The following TARBP1 variants were observed in gnomAD, a reference collection of about 807,000 sequenced individuals.
The protein encoded by TARBP1 is tRNA guanosine 2 -O-methyltransferase TARBP1.
In TARBP1, 144 loss-of-function variants were observed where a neutral mutation model predicts 178.6. The observed-to-expected ratio is 0.81, with a 90% CI of 0.70 to 0.93. The LOEUF (loss-of-function observed/expected upper bound fraction) is 0.93, where lower values mean the gene tolerates loss of function less well. TARBP1 is among the 40% of genes least tolerant of loss of function. The probability of loss-of-function intolerance (pLI) is 0.00; values close to 1 mark genes in which losing one functional copy is unlikely to be tolerated. For missense variants in TARBP1, 2,067 were observed against 2,011.7 expected (o/e 1.03, Z -0.53); for synonymous variants, 787 against 781.0 (o/e 1.01, Z -0.13).
chr1:234,392,306 A>T (rs1214058585), intron 29 of TARBP1, 110 bp downstream of exon 29: 4 of 1,393,338 alleles, frequency 2.9e-6, no homozygotes, highest in African/African-American at 1.5e-5. Flanking sequence ...ACTACACTCC[A>T]GCCTGGGCTA....
Position 234,393,449 on chromosome 1 carries a change from C to G in TARBP1, c.4473G>C (p.Val1491=). Residue 1491 remains valine (V), a synonymous_variant, in exon 28 of 30, where the codon GTG becomes GTC. Transcript: ENST00000040877. ...TACACTGAAGGCTGCCAACAACGAGCACTGAAGCCCCAAATACCTCACAGG... is the reference window on the plus strand; with the variant it reads ...TACACTGAAGGCTGCCAACAACGAGGACTGAAGCCCCAAATACCTCACAGG... ...CRTCEVFGAS[V]LVVGSLQCIS... is the part of the protein sequence containing the mutation. 1.2e-6 allele frequency: 2 copies of G among 1,608,854 alleles called. No individual in the cohort carries two copies. Among genetic ancestry groups the G allele is most frequent in the Non-Finnish European group, 8.5e-7 (1 of 1,177,248 alleles).
At chr1:234,457,332 A>G (rs1667383269) in intron 9 of TARBP1, among the ~76,000 whole-genome samples, 1 of 152,250 alleles carries the variant, frequency 6.6e-6, no homozygotes, top group Non-Finnish European at 1.5e-5. Context: ...CAGAAAAAAG[A>G]GAAAGAGGAG....
intron 9 of TARBP1, among the ~76,000 whole-genome samples, chr1:234,457,376 G>A (rs1667389449): frequency 6.6e-6 from 1 of 152,102 alleles, no homozygotes; most frequent in South Asian, 2.1e-4. Flanking sequence ...GTCTAACATC[G>A]CCATTATTCC....
intron 9 of TARBP1, among the ~76,000 whole-genome samples, chr1:234,454,675 T>A (rs6683288): frequency 0.2 from 30,296 of 152,126 alleles, 3,257 homozygotes; most frequent in African/African-American, 0.26. Flanking sequence ...AGAGAATGAT[T>A]AATTAAAATT....
At chr1:234,423,930 GTATTTTTGTTCTGA>G (rs910838598) in intron 20 of TARBP1, among the ~76,000 whole-genome samples, 13 of 151,868 alleles carry the variant, frequency 8.6e-5, no homozygotes, top group African/African-American at 3.1e-4. Flanking sequence ...ATTATAACAT[GTATTTTTGTTCTGA>G]TAGAATACCC....
chr1:234,441,016 TCTA>T (rs1194113260), intron 12 of TARBP1, among the ~76,000 whole-genome samples: 2 of 152,236 alleles, frequency 1.3e-5, no homozygotes, highest in African/African-American at 4.8e-5. Flanking sequence ...AAACCCCATC[TCTA>T]CTAAAAATAC....
chr1:234,458,666 A>G (rs1667537911), intron 8 of TARBP1, among the ~76,000 whole-genome samples: 1 of 152,210 alleles, frequency 6.6e-6, no homozygotes, highest in African/African-American at 2.4e-5. Flanking sequence ...GAGGCTTTGT[A>G]AAAAGCACAG....
intron 24 of TARBP1, 35 bp downstream of exon 24, chr1:234,405,868 G>C (rs755499892): frequency 1.3e-6 from 2 of 1,587,720 alleles, no homozygotes; most frequent in South Asian, 2.3e-5. Context: ...TGCTGGAGGA[G>C]AGTGAGGGCG....
chr1:234,467,467 CA>C (rs767107573), intron 4 of TARBP1, 34 bp downstream of exon 4: 3 of 1,483,734 alleles, frequency 2.0e-6, no homozygotes, highest in South Asian at 2.9e-5. Context: ...CGCCTTTCAA[CA>C]ATGGGAGCAA....
At chr1:234,396,399 C>T (rs1659937432) in intron 26 of TARBP1, among the ~76,000 whole-genome samples, 1 of 152,164 alleles carries the variant, frequency 6.6e-6, no homozygotes, top group Non-Finnish European at 1.5e-5. Context: ...CCTTGCCTTG[C>T]CCATACTTCC....
intron 11 of TARBP1, 59 bp downstream of exon 11, chr1:234,448,418 ACAT>A (rs1666397842): frequency 1.4e-6 from 2 of 1,401,648 alleles, no homozygotes; most frequent in Admixed American, 1.7e-5. Flanking sequence ...ATCTGAATAC[ACAT>A]CATAATTCTC....
intron 3 of TARBP1, 28 bp from the exon 4 acceptor site, chr1:234,467,678 A>G: frequency 6.5e-7 from 1 of 1,546,120 alleles, no homozygotes. Context: ...AAATGTTGAC[A>G]TCTGATTCTG....
chr1:234,438,901 T>C (rs919756000), intron 12 of TARBP1, among the ~76,000 whole-genome samples: 8 of 151,854 alleles, frequency 5.3e-5, no homozygotes, highest in Non-Finnish European at 8.8e-5. Context: ...CAGAGAAAAA[T>C]GACATTGCCA....
chr1:234,432,177 C>T (rs914709246), intron 14 of TARBP1, among the ~76,000 whole-genome samples: 1 of 150,674 alleles, frequency 6.6e-6, no homozygotes, highest in African/African-American at 2.4e-5. Flanking sequence ...CACGGTGGCT[C>T]ACACCTACAA....
Position 234,425,746 on chromosome 1 carries a change from A to G in TARBP1, c.3371T>C (p.Leu1124Pro), listed in dbSNP as rs772550903. The G allele has an allele frequency of 3.7e-6, 6 of 1,608,214 alleles. No homozygotes were observed. The highest frequency in any genetic ancestry group is 3.4e-6 in the Non-Finnish European group (4 of 1,175,374). Residue 1124 changes from leucine to proline, a missense_variant, in exon 20 of 30, where the codon CTG becomes CCG. Transcript: ENST00000040877. ...HYVRICAVKF[L>P]CLLDGSNMSH... ...CATATTGGAGCCATCTAATAAACACAGGAATTTGACAGCACAAATTCTCAC... is the reference window on the plus strand; with the variant it reads ...CATATTGGAGCCATCTAATAAACACGGGAATTTGACAGCACAAATTCTCAC...
chr1:234,446,996 C>A, intron 11 of TARBP1, 21 bp from the exon 12 acceptor site: 3 of 1,609,114 alleles, frequency 1.9e-6, no homozygotes, highest in South Asian at 2.2e-5. Context: ...AAAGACATGC[C>A]AAAATCAACC....
intron 28 of TARBP1, 28 bp from the exon 29 acceptor site, chr1:234,392,580 T>C (rs372506298): frequency 4.5e-5 from 72 of 1,610,062 alleles, no homozygotes; most frequent in Non-Finnish European, 5.9e-5. Flanking sequence ...AAGAACAGAA[T>C]ATTCATTCAG....
In TARBP1 at chr1:234,394,742, G is replaced by A. The variant is rs188732712; in HGVS notation, c.4244-905C>T. 3.8e-3 allele frequency among the ~76,000 whole-genome samples: 586 copies of A among 152,346 alleles called. 10 individuals are homozygous for A. Among genetic ancestry groups the A allele is most frequent in the African/African-American group, 0.013 (548 of 41,578 alleles). On this transcript the variant is annotated intron_variant, in intron 26 of 29. Transcript: ENST00000040877. ...AGTACCTTGGTTTAGTGCACAGCCTGCAATGGAGTGGAGGGAGATGGCTCA... is the reference window on the plus strand; with the variant it reads ...AGTACCTTGGTTTAGTGCACAGCCTACAATGGAGTGGAGGGAGATGGCTCA...
rs1664268153 is a variant in TARBP1 at position 234,430,115 on chromosome 1, T to C, written c.2581A>G (p.Ser861Gly). 5 of 1,613,986 alleles carry C rather than the reference T, an allele frequency of 3.1e-6. No homozygotes were observed. In the South Asian group the frequency reaches 5.5e-5, roughly 18 times the overall value. The change falls in exon 15 of 30, where the codon AGT (serine) becomes GGT (glycine). Residue 861 changes from serine to glycine, a missense_variant. Physicochemically the swap from Ser to Gly is moderately conservative, Grantham distance 56. Coordinates refer to ENST00000040877, the MANE Select transcript of TARBP1 (RefSeq NM_005646.4). ...CTGCACTCCAAGGGGTGAGCATAAC[T>C]GCTCTGCTCCTCTGCGTGGGGCTTC... ...LQKPHAEEQS[S>G]YAHPLECSSV...
Sources: gnomAD v4.1 joint callset for allele counts (sites outside exome capture counted in the v4.1 genomes callset) on GRCh38, gnomAD v4.1.1 for gene constraint, MANE v1.5 for transcripts, NCBI Gene and HGNC (gene_info 2026-07-23, HGNC 2026-07-21) for gene names.